Variants in IL1RAPL2 observed in about 807,000 individuals in gnomAD.
IL1RAPL2 encodes the protein X-linked interleukin-1 receptor accessory protein-like 2.
Under a neutral mutation model 44.1 loss-of-function variants are expected in IL1RAPL2, and 3 were observed. The observed-to-expected ratio is 0.07, with a 90% CI of 0.03 to 0.18. The LOEUF (loss-of-function observed/expected upper bound fraction) is 0.18. IL1RAPL2 is among the 10% of genes least tolerant of loss of function. The probability of loss-of-function intolerance (pLI) is 1.00; values close to 1 mark genes in which losing one functional copy is unlikely to be tolerated. For synonymous variants in IL1RAPL2, 181 were observed against 178.8 expected, an observed-to-expected ratio of 1.01 and a Z score of -0.10; for missense variants, 391 against 496.4, an observed-to-expected ratio of 0.79 and a Z score of 2.02.
At chrX:104,994,318 G>C (rs766113352) in intron 2 of IL1RAPL2, among the ~76,000 whole-genome samples, 25 of 111,318 alleles carry the variant, frequency 2.2e-4, no homozygotes, top group African/African-American at 7.5e-4. Flanking sequence ...TAAAGTTCTA[G>C]AACAGGAAAA....
chrX:105,165,974 G>A (rs912855655), intron 2 of IL1RAPL2, among the ~76,000 whole-genome samples: 1 of 111,634 alleles, frequency 9.0e-6, no homozygotes, highest in African/African-American at 3.3e-5. Context: ...TAAAAGCATA[G>A]CCTTGGGAGC....
chrX:105,175,161 T>C (rs1366086139), intron 2 of IL1RAPL2, among the ~76,000 whole-genome samples: 1 of 111,571 alleles, frequency 9.0e-6, no homozygotes, highest in Non-Finnish European at 1.9e-5. Context: ...TTATCATCAT[T>C]ACTATCATTA....
chrX:105,219,695 C>A, intron 3 of IL1RAPL2: 2 of 1,209,891 alleles, frequency 1.7e-6, no homozygotes, highest in Non-Finnish European at 2.2e-6. Flanking sequence ...GTGCAAACCC[C>A]TCCGGCAGTG....
chrX:104,866,845 G>A (rs1488079559), intron 2 of IL1RAPL2, among the ~76,000 whole-genome samples: 1 of 111,042 alleles, frequency 9.0e-6, no homozygotes, highest in Middle Eastern at 4.3e-3. Flanking sequence ...TTTAAAAATT[G>A]GGGCCAAAAA....
At chrX:104,889,457 C>G (rs768862081) in intron 2 of IL1RAPL2, among the ~76,000 whole-genome samples, 13 of 112,037 alleles carry the variant, frequency 1.2e-4, no homozygotes, top group Non-Finnish European at 2.3e-4. Context: ...TTAACATACA[C>G]AAACAGTTCT....
intron 7 of IL1RAPL2, among the ~76,000 whole-genome samples, chrX:105,719,519 A>T (rs1198708144): frequency 9.0e-6 from 1 of 111,494 alleles, no homozygotes; most frequent in East Asian, 2.8e-4. Flanking sequence ...TTCAGAATTC[A>T]TACAACCACC....
At chrX:104,675,463 A>G (rs1326275795) in intron 2 of IL1RAPL2, among the ~76,000 whole-genome samples, 1 of 111,320 alleles carries the variant, frequency 9.0e-6, no homozygotes, top group Non-Finnish European at 1.9e-5. Context: ...GGTCTGAGAG[A>G]TAGTTTGTTA....
At chrX:105,082,296 G>A (rs2032420194) in intron 2 of IL1RAPL2, among the ~76,000 whole-genome samples, 1 of 111,817 alleles carries the variant, frequency 8.9e-6, no homozygotes, top group Non-Finnish European at 1.9e-5. Context: ...ATGGTAGTTT[G>A]TATTTCTGTG....
intron 2 of IL1RAPL2, among the ~76,000 whole-genome samples, chrX:105,060,585 CT>C (rs1161187469): frequency 0.033 from 2,297 of 70,138 alleles, 29 homozygotes; most frequent in African/African-American, 0.073. Context: ...TTTTCTTTTT[CT>C]TTTTTTTTTT....
intron 5 of IL1RAPL2, among the ~76,000 whole-genome samples, chrX:105,440,079 A>G (rs2035910024): frequency 8.9e-6 from 1 of 111,852 alleles, no homozygotes; most frequent in African/African-American, 3.2e-5. Flanking sequence ...CCACAAAATG[A>G]CAGTATGTGA....
chrX:105,136,540 T>C (rs2033078443), intron 2 of IL1RAPL2, among the ~76,000 whole-genome samples: 2 of 112,767 alleles, frequency 1.8e-5, no homozygotes, highest in South Asian at 3.6e-4. Flanking sequence ...TGCTCAAGTA[T>C]AGTGTTTGTT....
At chrX:104,815,636 A>G (rs1179370650) in intron 2 of IL1RAPL2, among the ~76,000 whole-genome samples, 1 of 112,159 alleles carries the variant, frequency 8.9e-6, no homozygotes, top group Non-Finnish European at 1.9e-5. Context: ...TTATACATGT[A>G]ATGTGTGTCT....
intron 2 of IL1RAPL2, among the ~76,000 whole-genome samples, chrX:104,991,614 G>A (rs1186129176): frequency 9.0e-6 from 1 of 111,497 alleles, no homozygotes; most frequent in African/African-American, 3.3e-5. Context: ...CAAAAAATGA[G>A]TCTATAAGCC....
At chrX:105,144,206 T>G (rs1245324772) in intron 2 of IL1RAPL2, among the ~76,000 whole-genome samples, 1 of 106,814 alleles carries the variant, frequency 9.4e-6, no homozygotes, top group Non-Finnish European at 1.9e-5. Context: ...CTGCCAATCT[T>G]TCCTGTGCTC....
intron 2 of IL1RAPL2, among the ~76,000 whole-genome samples, chrX:105,092,376 A>C (rs1439833047): frequency 9.0e-6 from 1 of 111,716 alleles, no homozygotes; most frequent in Non-Finnish European, 1.9e-5. Context: ...CCAAGGGAAG[A>C]AGCACATATA....
intron 1 of IL1RAPL2, among the ~76,000 whole-genome samples, chrX:104,640,130 G>T (rs1212986866): frequency 1.8e-5 from 2 of 110,689 alleles, no homozygotes; most frequent in Non-Finnish European, 3.8e-5. Context: ...ACATTTGGTT[G>T]CTTTGTTGTA....
chrX:105,184,253 G>A (rs1393757533), intron 2 of IL1RAPL2, among the ~76,000 whole-genome samples: 1 of 111,314 alleles, frequency 9.0e-6, no homozygotes, highest in Non-Finnish European at 1.9e-5. Flanking sequence ...GTGTAATTAT[G>A]TACTATTTTG....
At chrX:105,344,979 C>G (rs1178151211) in intron 5 of IL1RAPL2, among the ~76,000 whole-genome samples, 1 of 111,462 alleles carries the variant, frequency 9.0e-6, no homozygotes, top group East Asian at 2.8e-4. Flanking sequence ...GATGGCTTTC[C>G]CCTCGAAGCA....
At chrX:105,671,394 C>T (rs1399640603) in intron 6 of IL1RAPL2, among the ~76,000 whole-genome samples, 3 of 111,767 alleles carry the variant, frequency 2.7e-5, no homozygotes, top group African/African-American at 9.8e-5. Context: ...TATAGATTCC[C>T]TAGGATTTTC....
Sources: gnomAD v4.1 joint callset for allele counts (sites outside exome capture counted in the v4.1 genomes callset) on GRCh38, gnomAD v4.1.1 for gene constraint, MANE v1.5 for transcripts, NCBI Gene and HGNC (gene_info 2026-07-23, HGNC 2026-07-21) for gene names.